Variants in AKNA observed in about 807,000 individuals in gnomAD.
AKNA encodes AT-hook transcription factor.
Under a neutral mutation model 138.8 loss-of-function variants are expected in AKNA, and 67 were observed. The observed-to-expected ratio is 0.48, with a 90% CI of 0.40 to 0.59. AKNA has a LOEUF of 0.59. Among genes scored for constraint, AKNA ranks in the 20% least tolerant of loss-of-function variants. AKNA has a pLI of 0.00. For missense variants in AKNA, 1,813 were observed against 1,880.4 expected (o/e 0.96, Z 0.66); for synonymous variants, 737 against 754.4 (o/e 0.98, Z 0.38).
At chr9:114,397,171 G>C (rs905224561), upstream of AKNA, among the ~76,000 whole-genome samples, 29 of 152,222 alleles carry the variant, frequency 1.9e-4, no homozygotes, top group Non-Finnish European at 3.8e-4. Flanking sequence ...CAGAAGAACT[G>C]TGAGACGACT....
rs1415061442 is a variant in AKNA at position 114,381,491 on chromosome 9, C to T, written c.-113-45G>A. 16 of 1,332,778 alleles carry T rather than the reference C, an allele frequency of 1.2e-5. No homozygotes were observed. The East Asian group carries it at 4.7e-4, about 39-fold the overall frequency. The allele number at this position is 1,332,778 out of a possible 1,614,324, so 82.6% of individuals were successfully genotyped here. A position where few individuals can be genotyped will look rare whatever the true frequency, so the allele number is the denominator to read the frequency against. ...GAGAGAACATTAATCAATCCTGATC[C>T]CCTCTTTTATTCGGAACAAGAAGTT... On this transcript the variant is annotated intron_variant, in intron 1 of 21. Coordinates refer to ENST00000374088, the MANE Select transcript of AKNA (RefSeq NM_001317950.2).
chr9:114,330,798 C>G (rs775419670), downstream of AKNA: 2 of 1,613,822 alleles, frequency 1.2e-6, no homozygotes, highest in South Asian at 2.2e-5. Context: ...TTAGCCAGAA[C>G]CAGTGCTTCT....
At chr9:114,390,629 C>G (rs531303528), upstream of AKNA, among the ~76,000 whole-genome samples, 1 of 152,304 alleles carries the variant, frequency 6.6e-6, no homozygotes, top group African/African-American at 2.4e-5. Context: ...CAAACAAGAC[C>G]CTTCCATGCT....
At position 114,377,211 on chromosome 9, in the gene AKNA, C is replaced by A; in HGVS notation, c.596G>T (p.Arg199Met). 1 of 1,614,208 alleles carries A rather than the reference C, an allele frequency of 6.2e-7. No homozygotes were observed. The highest frequency in any genetic ancestry group is 8.5e-7 in the Non-Finnish European group (1 of 1,180,034). ...VNPSVELSPA[R>M]SWSSGTVSLD... ...GCTCACTGTCCCACTGCTCCAGGACCTTGCCGGGCTGAGTTCAACGGATGG... is the reference window on the plus strand; with the variant it reads ...GCTCACTGTCCCACTGCTCCAGGACATTGCCGGGCTGAGTTCAACGGATGG... Residue 199 changes from arginine (R) to methionine (M), a missense_variant, in exon 3 of 22, where the codon AGG (arginine) becomes ATG (methionine). Physicochemically the swap from Arg to Met is moderately conservative, Grantham distance 91. Transcript: ENST00000374088.
intron 14 of AKNA, among the ~76,000 whole-genome samples, chr9:114,352,706 A>G (rs1284668535): frequency 2.0e-5 from 3 of 152,226 alleles, no homozygotes; most frequent in Non-Finnish European, 2.9e-5. Context: ...GCGGGTCACA[A>G]GGTCAGGAGT....
chr9:114,348,012 G>A (rs751039275), intron 15 of AKNA, 112 bp from the exon 16 acceptor site: 1 of 1,167,124 alleles, frequency 8.6e-7, no homozygotes, highest in Admixed American at 3.0e-5. Flanking sequence ...CAGGCACAGG[G>A]TCTATCTCTG....
chr9:114,343,290 C>G (rs1323391307), intron 19 of AKNA, among the ~76,000 whole-genome samples: 1 of 152,192 alleles, frequency 6.6e-6, no homozygotes, highest in Non-Finnish European at 1.5e-5. Flanking sequence ...AGTCAAGGAA[C>G]TGGCCTAAGG....
At chr9:114,352,596 C>CA (rs971187707) in intron 14 of AKNA, among the ~76,000 whole-genome samples, 40 of 138,752 alleles carry the variant, frequency 2.9e-4, no homozygotes, top group South Asian at 1.1e-3. Context: ...GACTCCATCT[C>CA]AAAAAAAAAA....
intron 13 of AKNA, 109 bp from the exon 14 acceptor site, chr9:114,356,245 T>C: frequency 1.0e-6 from 1 of 983,404 alleles, no homozygotes; most frequent in Non-Finnish European, 1.5e-6. Context: ...CCACCCTTTG[T>C]AACTTTGCAT....
In AKNA at chr9:114,381,130, G is replaced by A. The variant is rs758376554; in HGVS notation, c.204C>T (p.Pro68=). 2.7e-5 allele frequency: 44 copies of A among 1,613,184 alleles called. No homozygotes were observed. The highest frequency in any genetic ancestry group is 6.8e-6 in the Non-Finnish European group (8 of 1,179,614). Residue 68 remains proline, a synonymous_variant, in exon 2 of 22, where the codon CCC becomes CCT. Transcript: ENST00000374088. ...GCTGCGGGTGTGGGTCCCACTCCAGGGGCGGCAGGTGCTGCTGGGCCAGGC... is the reference window on the plus strand; with the variant it reads ...GCTGCGGGTGTGGGTCCCACTCCAGAGGCGGCAGGTGCTGCTGGGCCAGGC... ...DFRLAQQHLP[P]LEWDPHPQPD...
At chr9:114,348,668 T>A (rs1051753407) in intron 15 of AKNA, among the ~76,000 whole-genome samples, 1 of 152,182 alleles carries the variant, frequency 6.6e-6, no homozygotes, top group Non-Finnish European at 1.5e-5. Flanking sequence ...TGTCTGTGTT[T>A]CTCTCCAATC....
At position 114,370,639 on chromosome 9, in the gene AKNA, A is replaced by G. The variant is rs113745244; in HGVS notation, c.1417-2044T>C. ...CCGGGTGCTCCCCAAGGCTGGATTC[A>G]CTCCCTTGGGGGATTCTGTGAAAGG... On this transcript the variant is annotated intron_variant, in intron 4 of 21. Transcript: ENST00000374088. Among the ~76,000 whole-genome samples the G allele has an allele frequency of 3.3e-3, 505 of 152,194 alleles. 1 individual carries two copies. The highest frequency in any genetic ancestry group is 6.0e-3 in the Non-Finnish European group (405 of 68,002).
At position 114,347,635 on chromosome 9, in the gene AKNA, T is replaced by TG. The variant is rs1296459233; in HGVS notation, c.3398+88_3398+89insC. The TG allele has an allele frequency of 2.5e-5, 33 of 1,334,858 alleles. No homozygotes were observed. In the African/African-American group the frequency reaches 4.5e-4, roughly 18 times the overall value. 82.7% of individuals were successfully genotyped at this position (1,334,858 alleles called of 1,614,324 possible). On this transcript the variant is annotated intron_variant, in intron 16 of 21. Transcript: ENST00000374088. ...AGAGAGGGATGTGGCAGTGCCTGAGTCCATATGTCTGGGGAGAGCCAGAGG... is the reference window on the plus strand; with the variant it reads ...AGAGAGGGATGTGGCAGTGCCTGAGTGCCATATGTCTGGGGAGAGCCAGAGG...
intron 21 of AKNA, among the ~76,000 whole-genome samples, chr9:114,338,156 G>T (rs1317691751): frequency 1.3e-5 from 2 of 152,206 alleles, no homozygotes; most frequent in East Asian, 3.9e-4. Flanking sequence ...TTGGCATCTT[G>T]CTTGGCACAC....
intron 7 of AKNA, among the ~76,000 whole-genome samples, chr9:114,363,279 T>C (rs1340374414): frequency 6.6e-6 from 1 of 152,200 alleles, no homozygotes; most frequent in Non-Finnish European, 1.5e-5. Flanking sequence ...AGGTAATACA[T>C]GGCTAAAGCT....
At chr9:114,353,013 A>C (rs1831239862) in intron 14 of AKNA, among the ~76,000 whole-genome samples, 1 of 152,090 alleles carries the variant, frequency 6.6e-6, no homozygotes, top group Admixed American at 6.6e-5. Context: ...GTAGTGACTA[A>C]ATGGGACTTC....
At chr9:114,357,298 C>T (rs1450519189) in intron 12 of AKNA, among the ~76,000 whole-genome samples, 1 of 152,204 alleles carries the variant, frequency 6.6e-6, no homozygotes, top group Non-Finnish European at 1.5e-5. Flanking sequence ...TCCAGTGTCT[C>T]CTGGCTTAGG....
chr9:114,373,836 C>T (rs539526765), intron 4 of AKNA, among the ~76,000 whole-genome samples: 110 of 142,850 alleles, frequency 7.7e-4, no homozygotes, highest in Middle Eastern at 8.1e-3. Flanking sequence ...CAGTAAGTTA[C>T]GACCATGCCA....
At chr9:114,397,145 C>T (rs1466176494), upstream of AKNA, among the ~76,000 whole-genome samples, 1 of 152,224 alleles carries the variant, frequency 6.6e-6, no homozygotes, top group Non-Finnish European at 1.5e-5. Context: ...CCCACGTGGA[C>T]ATCGCCTCCC....
Sources: allele counts gnomAD v4.1 joint callset (sites outside exome capture counted in the v4.1 genomes callset), GRCh38; gene constraint gnomAD v4.1.1; transcripts MANE v1.5; gene names NCBI Gene and HGNC (gene_info 2026-07-23, HGNC 2026-07-21).